CHM: variants seen among roughly 807,000 people sequenced by gnomAD.
The protein encoded by CHM is CHM Rab escort protein.
In CHM, 10 loss-of-function variants were observed where a neutral mutation model predicts 49.0. That is an observed-to-expected ratio of 0.20 (90% CI 0.13 to 0.35). CHM has a LOEUF of 0.35. Ranked by LOEUF, CHM falls within the 10% of genes least tolerant of loss-of-function variation. The pLI is 1.00. For missense variants in CHM, 455 were observed against 478.4 expected (o/e 0.95, Z 0.46); for synonymous variants, 184 against 167.5 (o/e 1.10, Z -0.76).
intron 12 of CHM, among the ~76,000 whole-genome samples, chrX:85,887,220 C>T (rs1925139814): frequency 1.8e-5 from 2 of 110,353 alleles, no homozygotes; most frequent in Non-Finnish European, 3.8e-5. Context: ...GGGATGGACC[C>T]AGCGGGAGGT....
chrX:85,953,476 C>CA (rs778085573), intron 8 of CHM, among the ~76,000 whole-genome samples: 1 of 111,445 alleles, frequency 9.0e-6, no homozygotes, highest in Non-Finnish European at 1.9e-5. Flanking sequence ...CTATCCTGAG[C>CA]AAAAATAATA....
At chrX:86,008,208 G>A (rs1484158106) in intron 2 of CHM, among the ~76,000 whole-genome samples, 1 of 111,592 alleles carries the variant, frequency 9.0e-6, no homozygotes, top group African/African-American at 3.3e-5. Context: ...ACTGAACAAT[G>A]AGATCACTTG....
chrX:85,962,948 C>T (rs1930371471), intron 5 of CHM, among the ~76,000 whole-genome samples: 1 of 111,674 alleles, frequency 9.0e-6, no homozygotes, highest in Non-Finnish European at 1.9e-5. Flanking sequence ...GCCTCCATCA[C>T]TATTAAATTT....
intron 1 of CHM, 102 bp from the exon 2 acceptor site, chrX:86,027,659 A>C (rs1207699067): frequency 6.4e-6 from 4 of 623,069 alleles, no homozygotes; most frequent in African/African-American, 4.5e-5. Flanking sequence ...TTTAACCACC[A>C]AAGAGACCCA....
At chrX:85,920,339 G>A (rs1413355623) in intron 8 of CHM, among the ~76,000 whole-genome samples, 5 of 110,874 alleles carry the variant, frequency 4.5e-5, no homozygotes, top group Non-Finnish European at 7.6e-5. Flanking sequence ...CTTGTGATCC[G>A]CCCGCCTCAG....
At chrX:85,912,287 C>G (rs1471498832) in intron 8 of CHM, among the ~76,000 whole-genome samples, 2 of 111,241 alleles carry the variant, frequency 1.8e-5, no homozygotes, top group Admixed American at 9.5e-5. Context: ...CTAAAGCTTT[C>G]TGGTGGAATA....
rs766559945 is a variant in CHM at position 86,002,986 on chromosome X, G to T, written c.117-21177C>A. On this transcript the variant is annotated intron_variant, in intron 2 of 14. Transcript: ENST00000357749. ...TAACTGGGAGACATCTCCCAGTAGG[G>T]GCCGACAGACACCTCATATAGGCAG... Among the ~76,000 whole-genome samples the T allele has an allele frequency of 3.6e-5, 4 of 111,849 alleles. No homozygotes were observed. In the East Asian group the frequency reaches 1.1e-3, roughly 32 times the overall value.
intron 4 of CHM, chrX:85,969,171 C>T: frequency 1.4e-6 from 1 of 737,387 alleles, no homozygotes; most frequent in Non-Finnish European, 1.6e-6. Context: ...AATAAGTTTT[C>T]ATCCTGCTTT....
intron 12 of CHM, among the ~76,000 whole-genome samples, chrX:85,887,745 A>T (rs1925177669): frequency 9.0e-6 from 1 of 111,230 alleles, no homozygotes; most frequent in South Asian, 3.9e-4. Context: ...GAGATGAGGA[A>T]CTTGTTGGGA....
chrX:86,018,127 GA>G (rs770193526), intron 2 of CHM, among the ~76,000 whole-genome samples: 1 of 112,176 alleles, frequency 8.9e-6, no homozygotes, highest in African/African-American at 3.2e-5. Flanking sequence ...AACCATTTAT[GA>G]AAAGAAAAAC....
chrX:85,932,184 G>A (rs980152323), intron 8 of CHM, among the ~76,000 whole-genome samples: 1 of 111,852 alleles, frequency 8.9e-6, no homozygotes, highest in Admixed American at 9.5e-5. Flanking sequence ...TGACAGATTC[G>A]TATTTCTTAA....
intron 2 of CHM, among the ~76,000 whole-genome samples, chrX:85,983,866 T>G (rs967173417): frequency 9.0e-6 from 1 of 111,714 alleles, no homozygotes; most frequent in Non-Finnish European, 1.9e-5. Context: ...TTTTAATAAA[T>G]GAATGGGCCA....
intron 2 of CHM, among the ~76,000 whole-genome samples, chrX:85,988,405 A>T (rs1346700176): frequency 2.7e-5 from 3 of 111,920 alleles, no homozygotes; most frequent in Non-Finnish European, 5.6e-5. Flanking sequence ...CATCATGCTG[A>T]ATGGGCTAAA....
intron 12 of CHM, among the ~76,000 whole-genome samples, chrX:85,879,774 T>C (rs1397840424): frequency 9.0e-6 from 1 of 110,652 alleles, no homozygotes; most frequent in Admixed American, 9.6e-5. Flanking sequence ...TAAAGGGACC[T>C]CCAAATGACA....
chrX:86,023,636 C>T (rs186849661), intron 2 of CHM, among the ~76,000 whole-genome samples: 1 of 111,202 alleles, frequency 9.0e-6, no homozygotes, highest in African/African-American at 3.3e-5. Flanking sequence ...AGCACAATTC[C>T]TTGCACAAAG....
chrX:85,928,492 G>A (rs1015466172), intron 8 of CHM, among the ~76,000 whole-genome samples: 4 of 111,284 alleles, frequency 3.6e-5, no homozygotes, highest in Non-Finnish European at 7.5e-5. Flanking sequence ...GCAGTGAGCC[G>A]AGATCGCGCC....
intron 8 of CHM, among the ~76,000 whole-genome samples, chrX:85,912,371 A>G (rs1274971659): frequency 9.0e-6 from 1 of 111,545 alleles, no homozygotes; most frequent in Non-Finnish European, 1.9e-5. Context: ...AAAATTATAC[A>G]ACACATGAGG....
intron 14 of CHM, 26 bp downstream of exon 14, chrX:85,873,026 A>C (rs1924179579): frequency 8.4e-7 from 1 of 1,192,746 alleles, no homozygotes; most frequent in Admixed American, 2.2e-5. Context: ...TCTTAATACA[A>C]AACTGAGAAA....
intron 8 of CHM, among the ~76,000 whole-genome samples, chrX:85,952,630 G>C (rs989329027): frequency 8.9e-6 from 1 of 112,470 alleles, no homozygotes; most frequent in Non-Finnish European, 1.9e-5. Flanking sequence ...GTGAGACCCA[G>C]TACATTCCCA....
Sources: allele counts gnomAD v4.1 joint callset (sites outside exome capture counted in the v4.1 genomes callset), GRCh38; gene constraint gnomAD v4.1.1; transcripts MANE v1.5; gene names NCBI Gene and HGNC (gene_info 2026-07-23, HGNC 2026-07-21).